The following ESR1 variants were observed in gnomAD, a reference collection of about 807,000 sequenced individuals.
ESR1 encodes the protein estrogen receptor.
In ESR1, 12 loss-of-function variants were observed where a neutral mutation model predicts 52.7. The ratio of observed to expected loss-of-function variants is 0.23; its 90% CI spans 0.15 to 0.37. The LOEUF is 0.37. Ranked by LOEUF, ESR1 falls within the 10% of genes least tolerant of loss-of-function variation. The pLI is 1.00. For synonymous variants in ESR1, 305 were observed against 316.8 expected (o/e 0.96, Z 0.39); for missense variants, 584 against 779.7 (o/e 0.75, Z 2.99).
intron 1 of ESR1, among the ~76,000 whole-genome samples, chr6:151,697,564 C>G (rs905452923): frequency 1.3e-5 from 2 of 152,086 alleles, no homozygotes; most frequent in South Asian, 4.1e-4. Flanking sequence ...TTTCTTTGGA[C>G]AAGATATAGA....
rs146344681 is a variant in ESR1 at position 151,934,484 on chromosome 6, G to A, written c.761-9689G>A. 9.8e-3 allele frequency among the ~76,000 whole-genome samples: 1,497 copies of A among 152,272 alleles called. 26 individuals are homozygous for A. Among genetic ancestry groups the A allele is most frequent in the African/African-American group, 0.032 (1,333 of 41,546 alleles). ...AAATTGATTCAAAGTGTATGAGCATGTGTACATTTTACATAAGTGATACAT... is the reference window on the plus strand; with the variant it reads ...AAATTGATTCAAAGTGTATGAGCATATGTACATTTTACATAAGTGATACAT... On this transcript the variant is annotated intron_variant, in intron 3 of 7. Coordinates refer to ENST00000206249, the MANE Select transcript of ESR1 (RefSeq NM_000125.4).
chr6:151,826,540 T>G (rs1274539243), intron 1 of ESR1, among the ~76,000 whole-genome samples: 1 of 152,194 alleles, frequency 6.6e-6, no homozygotes, highest in Non-Finnish European at 1.5e-5. Flanking sequence ...AAACTCTGCT[T>G]TATTAACTTT....
intron 6 of ESR1, chr6:152,122,794 G>C (rs1002789799): frequency 8.6e-6 from 13 of 1,504,912 alleles, no homozygotes; most frequent in South Asian, 2.3e-5. Context: ...CCAGCCTGGC[G>C]ATCAGCTGCC....
At position 152,061,782 on chromosome 6, in the gene ESR1, T is replaced by C. The variant is rs6927127; in HGVS notation, c.1369+658T>C. Among the ~76,000 whole-genome samples, 33,285 of 152,108 alleles carry C rather than the reference T, an allele frequency of 0.22. 5,283 individuals are homozygous for C. Among genetic ancestry groups the C allele is most frequent in the African/African-American group, 0.44 (18,045 of 41,420 alleles). ...TGTTTTGTTTTTGTTTTCAATGTAGTGAGGCTGGCTGTTGTATAAAGAGTT... is the reference window on the plus strand; with the variant it reads ...TGTTTTGTTTTTGTTTTCAATGTAGCGAGGCTGGCTGTTGTATAAAGAGTT... On this transcript the variant is annotated intron_variant, in intron 6 of 7. Transcript: ENST00000206249. The surrounding 1 kb of genome is among the most constrained non-coding windows in gnomAD (Gnocchi z 4.3).
At chr6:151,704,173 C>T (rs1780005940) in intron 2 of ESR1, among the ~76,000 whole-genome samples, 1 of 152,068 alleles carries the variant, frequency 6.6e-6, no homozygotes, top group Admixed American at 6.6e-5. Context: ...GGGGTTGCCC[C>T]CACTCCCACT....
chr6:151,842,568 T>A (rs1784464662), intron 1 of ESR1, 29 bp from the exon 2 acceptor site: 1 of 1,604,280 alleles, frequency 6.2e-7, no homozygotes, highest in East Asian at 2.2e-5. Context: ...TTTCTAATGT[T>A]AATGGATTTA....
intron 3 of ESR1, among the ~76,000 whole-genome samples, chr6:151,916,938 C>T (rs890250223): frequency 3.3e-5 from 5 of 152,110 alleles, no homozygotes; most frequent in South Asian, 2.1e-4. Context: ...GATGTGCACC[C>T]GCTTGAGGCT....
At chr6:152,045,706 A>T (rs2046177470) in intron 5 of ESR1, among the ~76,000 whole-genome samples, 1 of 152,178 alleles carries the variant, frequency 6.6e-6, no homozygotes, top group Admixed American at 6.5e-5. Flanking sequence ...TTTCATTGGT[A>T]CTATATTACT....
At chr6:152,020,882 C>A (rs1461925987) in intron 5 of ESR1, among the ~76,000 whole-genome samples, 1 of 152,158 alleles carries the variant, frequency 6.6e-6, no homozygotes, top group African/African-American at 2.4e-5. Flanking sequence ...CCTTAATGAT[C>A]TAGAATTAAG....
intron 1 of ESR1, among the ~76,000 whole-genome samples, chr6:151,657,325 A>G (rs1777489100): frequency 6.6e-6 from 1 of 152,224 alleles, no homozygotes; most frequent in Non-Finnish European, 1.5e-5. Context: ...GGTACTAACC[A>G]TTAAAATTAA....
chr6:151,742,795 G>A (rs77345918), intron 2 of ESR1, among the ~76,000 whole-genome samples: 2,232 of 152,220 alleles, frequency 0.015, 44 homozygotes, highest in African/African-American at 0.039. Flanking sequence ...GAATAGGGTC[G>A]GGGATATAGC....
In ESR1 at chr6:151,773,804, TCTC is replaced by T. The variant is rs1233244573; in HGVS notation, c.-70-34035_-70-34033del. 2.0e-5 allele frequency among the ~76,000 whole-genome samples: 3 copies of T among 152,288 alleles called. No homozygotes were observed. The East Asian group carries it at 5.8e-4, about 29-fold the overall frequency. ...ATCACCTTGAAAGAATAATCTCTCA[TCTC>T]CTCTGGTGGCAAAGGATTGGGATGT... On this transcript the variant is annotated intron_variant, in intron 2 of 2. Coordinates refer to the ESR1 transcript ENST00000404742.
intron 2 of ESR1, among the ~76,000 whole-genome samples, chr6:151,735,357 G>C (rs1346761038): frequency 6.6e-6 from 1 of 152,164 alleles, no homozygotes; most frequent in Non-Finnish European, 1.5e-5. Context: ...CTCCCACAGA[G>C]AGTTGGTAAA....
chr6:151,836,841 G>T (rs984360048), intron 1 of ESR1, among the ~76,000 whole-genome samples: 4 of 152,120 alleles, frequency 2.6e-5, no homozygotes, highest in African/African-American at 9.7e-5. Flanking sequence ...ACATCTATTT[G>T]TTGGTTCTTT....
At chr6:151,892,940 G>A (rs1250937222) in intron 3 of ESR1, among the ~76,000 whole-genome samples, 1 of 152,226 alleles carries the variant, frequency 6.6e-6, no homozygotes, top group Non-Finnish European at 1.5e-5. Context: ...TGTAATCCCA[G>A]CACTTTGGGA....
intron 5 of ESR1, among the ~76,000 whole-genome samples, chr6:152,041,098 A>G (rs2045755700): frequency 6.6e-6 from 1 of 152,338 alleles, no homozygotes; most frequent in Middle Eastern, 3.4e-3. Context: ...ACAGGCCAAG[A>G]GTTGTCTCTC....
chr6:151,935,681 G>A (rs1332658758), intron 3 of ESR1, among the ~76,000 whole-genome samples: 1 of 152,216 alleles, frequency 6.6e-6, no homozygotes, highest in Admixed American at 6.5e-5. Flanking sequence ...AAGATGCTGG[G>A]AAACCAAGAA....
At chr6:151,694,080 C>T (rs528186800) in intron 1 of ESR1, among the ~76,000 whole-genome samples, 13 of 152,294 alleles carry the variant, frequency 8.5e-5, no homozygotes, top group Admixed American at 2.6e-4. Context: ...AGTGTTATTA[C>T]GTGTGATTCT....
chr6:151,903,013 C>T lies in ESR1; in HGVS notation c.760+22242C>T, dbSNP rs1369269276. On this transcript the variant is annotated intron_variant, in intron 3 of 7. Transcript: ENST00000206249. ...CTGGCATTCAAAGTCCTCCACCTTC[C>T]GAATTACACCTGTTTTTTCAGGCAT... 3.3e-5 allele frequency among the ~76,000 whole-genome samples: 5 copies of T among 152,132 alleles called. No homozygotes were observed. In the East Asian group the frequency reaches 7.7e-4, roughly 23 times the overall value.
Sources: allele counts gnomAD v4.1 joint callset (sites outside exome capture counted in the v4.1 genomes callset), GRCh38; gene constraint gnomAD v4.1.1; non-coding constraint Gnocchi (gnomAD v3.1); transcripts MANE v1.5; gene names NCBI Gene and HGNC (gene_info 2026-07-23, HGNC 2026-07-21).